The following SLIT3 variants were observed in gnomAD, a reference collection of about 807,000 sequenced individuals.
The protein encoded by SLIT3 is slit homolog 3 protein.
A neutral mutation model predicts 184.0 loss-of-function variants in SLIT3; 68 were observed. That is an observed-to-expected ratio of 0.37 (90% confidence interval 0.30 to 0.45). The LOEUF (loss-of-function observed/expected upper bound fraction) is 0.45. Ranked by LOEUF, SLIT3 falls within the 20% of genes least tolerant of loss-of-function variation. The probability of loss-of-function intolerance (pLI) is 1.00; values close to 1 mark genes in which losing one functional copy is unlikely to be tolerated. For synonymous variants in SLIT3, 831 were observed against 828.6 expected, an observed-to-expected ratio of 1.00 and a Z score of -0.05; for missense variants, 1,707 against 2,026.0, an observed-to-expected ratio of 0.84 and a Z score of 3.02.
intron 4 of SLIT3, among the ~76,000 whole-genome samples, chr5:168,968,897 T>C (rs554933304): frequency 1.3e-5 from 2 of 152,300 alleles, no homozygotes; most frequent in Non-Finnish European, 2.9e-5. Flanking sequence ...CTATAAAATG[T>C]TGACAATGTC....
At chr5:168,928,125 C>T (rs1483629423) in intron 4 of SLIT3, among the ~76,000 whole-genome samples, 1 of 152,172 alleles carries the variant, frequency 6.6e-6, no homozygotes, top group Non-Finnish European at 1.5e-5. Flanking sequence ...TGACAAATAA[C>T]AGGTACTCTT....
intron 1 of SLIT3, among the ~76,000 whole-genome samples, chr5:169,256,924 T>C (rs959353408): frequency 2.6e-5 from 4 of 152,096 alleles, no homozygotes; most frequent in Admixed American, 6.5e-5. Context: ...TCACCTATGA[T>C]GTTAGGTTAC....
At chr5:168,714,449 G>C (rs1230381529) in intron 23 of SLIT3, among the ~76,000 whole-genome samples, 1 of 152,120 alleles carries the variant, frequency 6.6e-6, no homozygotes. Context: ...CGAGTGTGGT[G>C]GTGGGCGCCT....
At chr5:169,000,658 G>A (rs929347330) in intron 4 of SLIT3, among the ~76,000 whole-genome samples, 2 of 152,226 alleles carry the variant, frequency 1.3e-5, no homozygotes, top group South Asian at 2.1e-4. Context: ...AGAGTTGAAC[G>A]TGATAGATCT....
chr5:169,279,270 A>G (rs1766916912), intron 1 of SLIT3, among the ~76,000 whole-genome samples: 1 of 152,236 alleles, frequency 6.6e-6, no homozygotes, highest in African/African-American at 2.4e-5. Context: ...AGGAAGGAGT[A>G]TCAAATAGCA....
intron 4 of SLIT3, among the ~76,000 whole-genome samples, chr5:168,929,503 G>C (rs749833992): frequency 6.6e-6 from 1 of 152,200 alleles, no homozygotes; most frequent in Non-Finnish European, 1.5e-5. Flanking sequence ...CACAGAGGTA[G>C]AGGCAAAATT....
chr5:168,984,623 G>C (rs1268643067), intron 4 of SLIT3, among the ~76,000 whole-genome samples: 4 of 152,098 alleles, frequency 2.6e-5, no homozygotes, highest in African/African-American at 9.7e-5. Context: ...AAAATGTCAG[G>C]GTAACTCTGA....
intron 17 of SLIT3, among the ~76,000 whole-genome samples, chr5:168,753,309 A>G (rs1218280634): frequency 6.6e-6 from 1 of 152,226 alleles, no homozygotes; most frequent in Non-Finnish European, 1.5e-5. Flanking sequence ...TTGTTTGTGC[A>G]TGCTTTCTTG....
chr5:169,021,734 ATAATTCACCTT>A (rs1287059060), intron 4 of SLIT3, among the ~76,000 whole-genome samples: 2 of 152,222 alleles, frequency 1.3e-5, no homozygotes, highest in Non-Finnish European at 2.9e-5. Flanking sequence ...CAGACCAGAT[ATAATTCACCTT>A]TGCCTTAAGG....
Position 168,749,501 on chromosome 5 carries a change from T to C in SLIT3, c.2108A>G (p.Asp703Gly), listed in dbSNP as rs1479139925. The C allele has an allele frequency of 3.1e-6, 5 of 1,614,020 alleles. No homozygotes were observed. Among genetic ancestry groups the C allele is most frequent in the Non-Finnish European group, 4.2e-6 (5 of 1,180,002 alleles). ...PFFLKEIPIQ[D>G]VAIQDFTCDG... ...ACAGGTGAAGTCCTGGATGGCCACA[T>C]CCTGGATGGGAATCTCCTTGAGGAA... Residue 703 changes from aspartate to glycine, a missense_variant, in exon 19 of 36, where the codon GAT becomes GGT. Transcript: ENST00000519560.
chr5:168,876,024 C>T (rs990153847), intron 5 of SLIT3, among the ~76,000 whole-genome samples: 1 of 152,078 alleles, frequency 6.6e-6, no homozygotes, highest in African/African-American at 2.4e-5. Flanking sequence ...GCAGATTTTC[C>T]TAAATCCCCC....
intron 4 of SLIT3, among the ~76,000 whole-genome samples, chr5:169,090,802 C>T (rs527777578): frequency 3.8e-4 from 58 of 152,250 alleles, no homozygotes; most frequent in African/African-American, 1.3e-3. Flanking sequence ...CTGGAGGAGA[C>T]GGGGAACAAA....
At chr5:168,812,075 G>A (rs181394046) in intron 8 of SLIT3, among the ~76,000 whole-genome samples, 7 of 152,286 alleles carry the variant, frequency 4.6e-5, no homozygotes, top group East Asian at 3.9e-4. Flanking sequence ...ACCGGAGGAC[G>A]TTATGTTAGG....
At chr5:169,284,194 C>A (rs936750342) in intron 1 of SLIT3, among the ~76,000 whole-genome samples, 2 of 152,216 alleles carry the variant, frequency 1.3e-5, no homozygotes, top group African/African-American at 4.8e-5. Flanking sequence ...AACCTCTGAG[C>A]AAAACGATTA....
At chr5:168,836,725 A>G (rs1758065644) in intron 6 of SLIT3, among the ~76,000 whole-genome samples, 1 of 152,114 alleles carries the variant, frequency 6.6e-6, no homozygotes, top group African/African-American at 2.4e-5. Flanking sequence ...AGCGCTACTC[A>G]CGGGAGAAGT....
chr5:168,817,760 G>C (rs968019713), intron 7 of SLIT3, among the ~76,000 whole-genome samples: 1 of 152,174 alleles, frequency 6.6e-6, no homozygotes, highest in Non-Finnish European at 1.5e-5. Context: ...AAAGGGGAGT[G>C]ACATTATTAC....
rs550692390 is a variant in SLIT3 at position 168,744,251 on chromosome 5, G to A, written c.2270+4051C>T. 2.2e-4 allele frequency among the ~76,000 whole-genome samples: 34 copies of A among 152,172 alleles called. 1 individual carries two copies. In the South Asian group the frequency reaches 5.2e-3, roughly 23 times the overall value. ...TTGCAGTGAGCCGAGATTGCGCCACGGCACTCCAGCCTGGGTGAAAGAGCG... is the reference window on the plus strand; with the variant it reads ...TTGCAGTGAGCCGAGATTGCGCCACAGCACTCCAGCCTGGGTGAAAGAGCG... On this transcript the variant is annotated intron_variant, in intron 20 of 35. Transcript: ENST00000519560.
At chr5:168,869,207 A>G (rs2113763105) in intron 5 of SLIT3, among the ~76,000 whole-genome samples, 1 of 152,314 alleles carries the variant, frequency 6.6e-6, no homozygotes, top group South Asian at 2.1e-4. Flanking sequence ...TGGAGCTGGG[A>G]TTTGGATCAC....
chr5:168,920,238 A>G (rs1170448064), intron 4 of SLIT3, among the ~76,000 whole-genome samples: 1 of 152,172 alleles, frequency 6.6e-6, no homozygotes, highest in African/African-American at 2.4e-5. Context: ...TGGGTAAGCT[A>G]TGCACACTTA....
Sources: allele counts gnomAD v4.1 joint callset (sites outside exome capture counted in the v4.1 genomes callset), GRCh38; gene constraint gnomAD v4.1.1; transcripts MANE v1.5; gene names NCBI Gene and HGNC (gene_info 2026-07-23, HGNC 2026-07-21).